Variants in CARNMT1 observed in about 807,000 individuals in gnomAD.
CARNMT1 encodes protein-L-histidine N-pros-methyltransferase CARNMT1.
In CARNMT1, 28 loss-of-function variants were observed where a neutral mutation model predicts 49.6. That is an observed-to-expected ratio of 0.56 (90% confidence interval 0.42 to 0.77). The LOEUF (loss-of-function observed/expected upper bound fraction) is 0.77, where lower values mean the gene tolerates loss of function less well. CARNMT1 is among the 30% of genes least tolerant of loss of function. The pLI is 0.00. For missense variants in CARNMT1, 421 were observed against 512.6 expected, an observed-to-expected ratio of 0.82 and a Z score of 1.73; for synonymous variants, 178 against 175.0, an observed-to-expected ratio of 1.02 and a Z score of -0.13.
At chr9:75,006,472 C>T (rs1472768014) in intron 3 of CARNMT1, among the ~76,000 whole-genome samples, 3 of 152,076 alleles carry the variant, frequency 2.0e-5, no homozygotes, top group African/African-American at 7.2e-5. Flanking sequence ...GATAGCTCAC[C>T]TTATCTACTA....
intron 1 of CARNMT1, among the ~76,000 whole-genome samples, chr9:75,025,037 A>C (rs137986263): frequency 6.6e-6 from 1 of 152,342 alleles, no homozygotes; most frequent in Admixed American, 6.5e-5. Flanking sequence ...TATCAATACT[A>C]TAAGTTTACA....
At chr9:75,021,204 A>G (rs1193414893) in intron 1 of CARNMT1, among the ~76,000 whole-genome samples, 2 of 148,316 alleles carry the variant, frequency 1.3e-5, no homozygotes, top group East Asian at 2.0e-4. Context: ...TATATACTAT[A>G]TATATACCTA....
Position 74,998,646 on chromosome 9 carries a change from T to G in CARNMT1, c.862A>C (p.Asn288His). The change falls in exon 5 of 8, where the codon AAC becomes CAC. Residue 288 changes from asparagine to histidine, a missense_variant. Asn to His is a moderately conservative substitution (Grantham distance 68). Around this residue, in one of 2 missense-constraint regions of CARNMT1, gnomAD observed 235 missense variants for 344.8 expected, o/e 0.68. Coordinates refer to ENST00000376834, the MANE Select transcript of CARNMT1 (RefSeq NM_152420.3). The stretch of plus-strand genomic sequence containing the variant: ...AAATCTCCTGCTGTCATAGAAAAGT[T>G]AGAACCAGGAGGAAGACTGTGGGGG... ...VDPHSLPPGSNFSMTAGDFQE... is the reference protein window; with the variant it reads ...VDPHSLPPGSHFSMTAGDFQE... 6.2e-7 allele frequency: 1 copy of G among 1,601,638 alleles called. No homozygotes were observed. The highest frequency in any genetic ancestry group is 8.5e-7 in the Non-Finnish European group (1 of 1,174,696).
Position 75,017,371 on chromosome 9 carries a change from G to A in CARNMT1, c.308C>T (p.Pro103Leu). 1 of 1,613,808 alleles carries A rather than the reference G, an allele frequency of 6.2e-7. No homozygotes were observed. The highest frequency in any genetic ancestry group is 8.5e-7 in the Non-Finnish European group (1 of 1,179,716). ...CTTGTCCAAGTGAAGAAGAAACTGA[G>A]GAAGTAGTTTCTGTTGGTTAGCTGG... ...SLPANQQKLLPQFLLHLDKIR... is the reference protein window; with the variant it reads ...SLPANQQKLLLQFLLHLDKIR... Residue 103 changes from proline (P) to leucine (L), a missense_variant, in exon 2 of 8, where the codon CCT (proline) becomes CTT (leucine). Physicochemically the swap from Pro to Leu is moderately conservative, Grantham distance 98. This residue lies in a region of CARNMT1 where 186 missense variants were observed against 167.9 expected (regional missense o/e 1.11). Coordinates refer to ENST00000376834, the MANE Select transcript of CARNMT1 (RefSeq NM_152420.3).
At chr9:74,991,888 G>A (rs1024251769) in intron 6 of CARNMT1, among the ~76,000 whole-genome samples, 4 of 152,066 alleles carry the variant, frequency 2.6e-5, no homozygotes, top group Non-Finnish European at 5.9e-5. Context: ...TTGTCCATGT[G>A]TTTTATATCT....
In CARNMT1 at chr9:75,026,324, A is replaced by G. The variant is rs186986972; in HGVS notation, c.230+1688T>C. On this transcript the variant is annotated intron_variant, in intron 1 of 7. Coordinates refer to ENST00000376834, the MANE Select transcript of CARNMT1 (RefSeq NM_152420.3). The stretch of plus-strand genomic sequence containing the variant: ...AGTCCCATCCCATACTTACCCATAA[A>G]TATCAATTTTAAATTGGTCCTAATA... Among the ~76,000 whole-genome samples the G allele has an allele frequency of 8.3e-4, 126 of 152,260 alleles. 1 individual carries two copies. Among genetic ancestry groups the G allele is most frequent in the Middle Eastern group, 6.8e-3 (2 of 294 alleles).
At chr9:74,993,826 A>C (rs1364533209) in intron 6 of CARNMT1, among the ~76,000 whole-genome samples, 1 of 152,118 alleles carries the variant, frequency 6.6e-6, no homozygotes, top group Non-Finnish European at 1.5e-5. Context: ...TCAAAACCAC[A>C]ATCGAGAAAC....
At position 74,992,827 on chromosome 9, in the gene CARNMT1, T is replaced by A. The variant is rs181506945; in HGVS notation, c.1024+3620A>T. Among the ~76,000 whole-genome samples, 957 of 152,296 alleles carry A rather than the reference T, an allele frequency of 6.3e-3. 8 individuals carry two copies. Among genetic ancestry groups the A allele is most frequent in the African/African-American group, 0.022 (911 of 41,578 alleles). ...TGTTCCAGAATGGCTGGCCATTACA[T>A]TTCCCATTATATATGAATATATTGA... is the stretch of plus-strand genomic sequence containing the variant. On this transcript the variant is annotated intron_variant, in intron 6 of 7. Transcript: ENST00000376834.
At chr9:74,992,784 T>G (rs1833067776) in intron 6 of CARNMT1, among the ~76,000 whole-genome samples, 1 of 152,174 alleles carries the variant, frequency 6.6e-6, no homozygotes. Flanking sequence ...CATATATAAT[T>G]TTACCTCCAA....
chr9:75,000,832 A>G (rs1564096827), intron 3 of CARNMT1, among the ~76,000 whole-genome samples: 1 of 152,150 alleles, frequency 6.6e-6, no homozygotes. Flanking sequence ...AAGCAGCAAC[A>G]GGGCACTTTA....
chr9:75,027,439 TAA>T (rs1822563787), intron 1 of CARNMT1: 1 of 985,294 alleles, frequency 1.0e-6, no homozygotes, highest in Non-Finnish European at 1.2e-6. Flanking sequence ...ACCCACCAGT[TAA>T]AGACACTGAG....
chr9:75,025,641 C>T (rs1822502442), intron 1 of CARNMT1, among the ~76,000 whole-genome samples: 1 of 152,014 alleles, frequency 6.6e-6, no homozygotes, highest in South Asian at 2.1e-4. Flanking sequence ...TGCAAGTTTG[C>T]TAAGTTTTTC....
rs540622983 is a variant in CARNMT1 at position 74,990,623 on chromosome 9, C to T, written c.1025-5613G>A. On this transcript the variant is annotated intron_variant, in intron 6 of 7. Coordinates refer to ENST00000376834, the MANE Select transcript of CARNMT1 (RefSeq NM_152420.3). The stretch of plus-strand genomic sequence containing the variant: ...AAAAGGCCTAGACAAAATACCACTT[C>T]GGTGGTAGGAACTAGATTTTCCATT... Among the ~76,000 whole-genome samples, 4 of 152,232 alleles carry T rather than the reference C, an allele frequency of 2.6e-5. No homozygotes were observed. In the South Asian group the frequency reaches 6.2e-4, roughly 24 times the overall value.
chr9:75,005,373 CAT>C (rs1248360875), intron 3 of CARNMT1, among the ~76,000 whole-genome samples: 4 of 151,944 alleles, frequency 2.6e-5, no homozygotes, highest in South Asian at 2.1e-4. Flanking sequence ...AAACTTGAAA[CAT>C]AGACAGATTG....
rs78380766 is a variant in CARNMT1 at position 75,015,298 on chromosome 9, T to C, written c.590+970A>G. Among the ~76,000 whole-genome samples, 1,243 of 152,324 alleles carry C rather than the reference T, an allele frequency of 8.2e-3. 22 individuals are homozygous for C. Among genetic ancestry groups the C allele is most frequent in the African/African-American group, 0.028 (1,166 of 41,562 alleles). The stretch of plus-strand genomic sequence containing the variant: ...ATTTTCACTTCACATTAGCTGAAGT[T>C]CTCAAAACAGTGTATATCCCATTCA... On this transcript the variant is annotated intron_variant, in intron 3 of 7. Coordinates refer to ENST00000376834, the MANE Select transcript of CARNMT1 (RefSeq NM_152420.3).
intron 7 of CARNMT1, among the ~76,000 whole-genome samples, chr9:74,984,688 T>C (rs1460678973): frequency 6.6e-6 from 1 of 152,148 alleles, no homozygotes; most frequent in African/African-American, 2.4e-5. Flanking sequence ...TCCCAAGATA[T>C]GTCACGTATA....
chr9:74,981,963 A>G lies in CARNMT1; in HGVS notation c.*1804T>C, dbSNP rs1391788087. On this transcript the variant is annotated 3_prime_UTR_variant, in exon 8 of 8. Transcript: ENST00000376834. ...TTCAAACTCATTCATGTAAGTAATA[A>G]GAATTTCCACCAAATGAACATCTGC... 6 of 151,824 alleles carry G rather than the reference A, an allele frequency of 4.0e-5. No homozygotes were observed. The highest frequency in any genetic ancestry group is 5.9e-5 in the Non-Finnish European group (4 of 67,940). The allele number at this position is 151,824 out of a possible 1,614,324, so 9.4% of individuals were successfully genotyped here. A position where few individuals can be genotyped will look rare whatever the true frequency, so the allele number is the denominator to read the frequency against.
intron 6 of CARNMT1, among the ~76,000 whole-genome samples, chr9:74,994,441 T>G (rs1048648812): frequency 2.0e-5 from 3 of 152,164 alleles, no homozygotes; most frequent in African/African-American, 7.2e-5. Flanking sequence ...TGTTTTGGCT[T>G]TTTTTTGAGA....
Position 75,017,268 on chromosome 9 carries a change from T to C in CARNMT1, c.411A>G (p.Lys137=). ...VNDCIHMFEN[K]EYGEDGNGKI... ...TTTCACATACATCTTCTCCATATTCTTTATTTTCAAACATATGTATGCAAT... is the reference window on the plus strand; with the variant it reads ...TTTCACATACATCTTCTCCATATTCCTTATTTTCAAACATATGTATGCAAT... The change falls in exon 2 of 8, where the codon AAA becomes AAG. Residue 137 remains lysine (K), a synonymous_variant. Transcript: ENST00000376834. 1.2e-6 allele frequency: 2 copies of C among 1,612,180 alleles called. No individual in the cohort carries two copies. Among genetic ancestry groups the C allele is most frequent in the Non-Finnish European group, 1.7e-6 (2 of 1,178,556 alleles).
Sources: allele counts gnomAD v4.1 joint callset (sites outside exome capture counted in the v4.1 genomes callset), GRCh38; gene constraint gnomAD v4.1.1; regional missense constraint gnomAD v4.1.1; transcripts MANE v1.5; gene names NCBI Gene and HGNC (gene_info 2026-07-23, HGNC 2026-07-21).